Variants in ZFYVE26 observed in about 807,000 individuals in gnomAD.
ZFYVE26 encodes the protein zinc finger FYVE-type containing 26.
ZFYVE26 carries 181 observed loss-of-function variants against 276.5 expected under a neutral mutation model. The observed-to-expected ratio is 0.65, with a 90% CI of 0.58 to 0.74. The LOEUF is 0.74. Ranked by LOEUF, ZFYVE26 falls within the 30% of genes least tolerant of loss-of-function variation. The pLI, the probability that ZFYVE26 is intolerant of heterozygous loss-of-function variation, is 0.00. For missense variants in ZFYVE26, 2,821 were observed against 3,097.9 expected (o/e 0.91, Z 2.12); for synonymous variants, 1,129 against 1,203.1 (o/e 0.94, Z 1.27).
At position 67,771,920 on chromosome 14, in the gene ZFYVE26, A is replaced by C. The variant is rs1754013397; in HGVS notation, c.5484+127T>G. 4 of 1,293,090 alleles carry C rather than the reference A, an allele frequency of 3.1e-6. No homozygotes were observed. The African/African-American group carries it at 4.4e-5, about 14-fold the overall frequency. The allele number at this position is 1,293,090 out of a possible 1,614,324, so 80.1% of individuals were successfully genotyped here. A position where few individuals can be genotyped will look rare whatever the true frequency, so the allele number is the denominator to read the frequency against. On this transcript the variant is annotated intron_variant, in intron 28 of 41. Coordinates refer to ENST00000347230, the MANE Select transcript of ZFYVE26 (RefSeq NM_015346.4). ...AGGTCAAAAATGAACCCAAAGTCTT[A>C]GATTTGGCAGTTCTGAAAATACCGA...
chr14:67,729,074 C>T (rs918596462), intron 14 of ZFYVE26: 2 of 1,052,154 alleles, frequency 1.9e-6, no homozygotes, highest in Admixed American at 3.4e-5. Flanking sequence ...CCTGCTGAAT[C>T]CTGGGGTTAT....
intron 34 of ZFYVE26, 106 bp from the exon 35 acceptor site, chr14:67,761,690 G>A: frequency 1.1e-6 from 1 of 942,672 alleles, no homozygotes; most frequent in Non-Finnish European, 1.7e-6. Flanking sequence ...CACCAACATG[G>A]CACATGTATA....
chr14:67,748,470 G>A lies in ZFYVE26; in HGVS notation c.7586C>T (p.Pro2529Leu), dbSNP rs143198225. The part of the protein sequence containing the change: ...ICAQWLLTSH[P>L]RGAHGPGSRK Reference sequence around the variant, plus strand: ...GGAGCCTGGGCCATGGGCACCCCGGGGGTGGCTTGTCAGAAGCCACTGGGC... The same window carrying A: ...GGAGCCTGGGCCATGGGCACCCCGGAGGTGGCTTGTCAGAAGCCACTGGGC... Residue 2529 changes from proline (P) to leucine (L), a missense_variant, in exon 42 of 42, where the codon CCC becomes CTC. Coordinates refer to ENST00000347230, the MANE Select transcript of ZFYVE26 (RefSeq NM_015346.4). The A allele has an allele frequency of 2.0e-5, 33 of 1,612,774 alleles. No homozygotes were observed. The highest frequency in any genetic ancestry group is 5.5e-5 in the South Asian group (5 of 91,040).
chr14:67,768,778 G>C (rs78071360), intron 29 of ZFYVE26, among the ~76,000 whole-genome samples: 1 of 152,176 alleles, frequency 6.6e-6, no homozygotes, highest in Non-Finnish European at 1.5e-5. Context: ...TGGTATGCTA[G>C]GGTCACGGAA....
chr14:67,802,358 T>A, intron 9 of ZFYVE26, 76 bp from the exon 10 acceptor site: 1 of 1,454,362 alleles, frequency 6.9e-7, no homozygotes, highest in South Asian at 1.2e-5. Context: ...AGCAAAGAGA[T>A]GCTGTGCCAT....
intron 12 of ZFYVE26, 102 bp downstream of exon 12, chr14:67,797,567 TACA>T (rs2039980765): frequency 1.6e-6 from 2 of 1,277,738 alleles, no homozygotes; most frequent in Non-Finnish European, 2.2e-6. Context: ...AGGATAATTT[TACA>T]ACGCTTTTGT....
rs200775182 is a variant in ZFYVE26, at chr14:67,785,990, G to A, written c.3172C>T (p.Arg1058Trp). 4.0e-5 allele frequency: 65 copies of A among 1,614,190 alleles called. No individual in the cohort carries two copies. Among genetic ancestry groups the A allele is most frequent in the Admixed American group, 1.0e-4 (6 of 60,022 alleles). ...SVEEKGGGPP[R>W]CSITELLQMC... Reference sequence around the variant, plus strand: ...TGAAGCAGTTCAGTGATGCTGCACCGTGGAGGGCCTCCTCCCTTTTCTTCC... The same window carrying A: ...TGAAGCAGTTCAGTGATGCTGCACCATGGAGGGCCTCCTCCCTTTTCTTCC... The change falls in exon 18 of 42, where the codon CGG becomes TGG. Residue 1058 changes from arginine to tryptophan, a missense_variant. Transcript: ENST00000347230.
chr14:67,796,605 T>C (rs2039958548), intron 12 of ZFYVE26: 1 of 152,180 alleles, frequency 6.6e-6, no homozygotes, highest in South Asian at 2.1e-4. Context: ...ATAAACATAT[T>C]GAAATATCAC....
At chr14:67,729,112 T>C in intron 14 of ZFYVE26, 11 of 1,407,824 alleles carry the variant, frequency 7.8e-6, no homozygotes, top group East Asian at 2.3e-5. Context: ...TTCTCACTTG[T>C]GTATTTTGCT....
chr14:67,802,090 A>G lies in ZFYVE26; in HGVS notation c.1628T>C (p.Leu543Pro), dbSNP rs745468045. ...ASATEPANDSLSSPGAANLFS... is the reference protein window; with the variant it reads ...ASATEPANDSPSSPGAANLFS... ...GGGAAGTGCTGTACCTGGGGAGGAG[A>G]GAGAGTCATTCGCTGGCTCTGTAGC... is the stretch of plus-strand genomic sequence containing the variant. The change falls in exon 10 of 42, where the codon CTC (leucine) becomes CCC (proline). Residue 543 changes from leucine (L) to proline (P), a missense_variant. Physicochemically the swap from Leu to Pro is moderately conservative, Grantham distance 98. Transcript: ENST00000347230. 2 of 1,612,916 alleles carry G rather than the reference A, an allele frequency of 1.2e-6. No homozygotes were observed. The highest frequency in any genetic ancestry group is 2.2e-5 in the South Asian group (2 of 91,006).
downstream of ZFYVE26, among the ~76,000 whole-genome samples, chr14:67,742,594 G>C (rs1361804765): frequency 3.9e-5 from 6 of 152,096 alleles, no homozygotes; most frequent in African/African-American, 1.4e-4. Context: ...AGAGTCTTCT[G>C]CAACAGTCAG....
chr14:67,730,112 G>A (rs2038250395), intron 13 of ZFYVE26, among the ~76,000 whole-genome samples: 1 of 152,234 alleles, frequency 6.6e-6, no homozygotes, highest in African/African-American at 2.4e-5. Flanking sequence ...AGTTCTGAGT[G>A]TGTAATGTGT....
intron 23 of ZFYVE26, 97 bp downstream of exon 23, chr14:67,780,144 G>A (rs748816431): frequency 3.4e-6 from 4 of 1,174,992 alleles, no homozygotes; most frequent in Non-Finnish European, 3.7e-6. Context: ...TTTTTAAAAA[G>A]TGAACATTGA....
chr14:67,802,654 G>C (rs954898858), intron 9 of ZFYVE26, among the ~76,000 whole-genome samples: 7 of 152,106 alleles, frequency 4.6e-5, no homozygotes, highest in Admixed American at 6.5e-5. Flanking sequence ...CCTTTTTGAA[G>C]TGTGCCCCAG....
chr14:67,768,706 T>C (rs929120294), intron 29 of ZFYVE26, among the ~76,000 whole-genome samples, 158 bp from the exon 30 acceptor site: 1 of 152,182 alleles, frequency 6.6e-6, no homozygotes, highest in Non-Finnish European at 1.5e-5. Context: ...CAATACTAAC[T>C]GCCCATTTCA....
At chr14:67,761,269 T>C (rs1225323275) in intron 35 of ZFYVE26, 97 bp downstream of exon 35, 1 of 1,134,008 alleles carries the variant, frequency 8.8e-7, no homozygotes, top group East Asian at 2.6e-5. Context: ...CAACACAGGG[T>C]TAAGTGTCAG....
At chr14:67,810,875 A>AGT (rs139434942) in intron 3 of ZFYVE26, among the ~76,000 whole-genome samples, 8 of 151,708 alleles carry the variant, frequency 5.3e-5, no homozygotes, top group East Asian at 1.9e-4. Context: ...TGTGTGTGAG[A>AGT]GTGTGTGTGT....
At chr14:67,751,566 A>C in intron 40 of ZFYVE26, 2 of 230,736 alleles carry the variant, frequency 8.7e-6, no homozygotes, top group Non-Finnish European at 8.7e-6. Flanking sequence ...TTTAAACTCA[A>C]CTCCTGCTTT....
intron 13 of ZFYVE26, chr14:67,733,637 G>A (rs2038314311): frequency 4.1e-6 from 3 of 733,974 alleles, no homozygotes; most frequent in Middle Eastern, 2.5e-4. Flanking sequence ...TTTGAGTCTG[G>A]CATATATTGT....
Sources: gnomAD v4.1 joint callset for allele counts (sites outside exome capture counted in the v4.1 genomes callset) on GRCh38, gnomAD v4.1.1 for gene constraint, MANE v1.5 for transcripts, NCBI Gene and HGNC (gene_info 2026-07-23, HGNC 2026-07-21) for gene names.